MCM6: variants seen among roughly 807,000 people sequenced by gnomAD.
The protein encoded by MCM6 is DNA replication licensing factor MCM6.
Under a neutral mutation model 94.3 loss-of-function variants are expected in MCM6, and 46 were observed. The observed-to-expected ratio is 0.49, with a 90% confidence interval of 0.39 to 0.62. The LOEUF is 0.62. Ranked by LOEUF, MCM6 falls within the 20% of genes least tolerant of loss-of-function variation. MCM6 has a pLI of 0.00. For synonymous variants in MCM6, 335 were observed against 351.9 expected, an observed-to-expected ratio of 0.95 and a Z score of 0.54; for missense variants, 865 against 1,017.9, an observed-to-expected ratio of 0.85 and a Z score of 2.04.
Position 135,861,094 on chromosome 2 carries a change from T to C in MCM6, c.1220+1513A>G, listed in dbSNP as rs1283024688. Reference sequence around the variant, plus strand: ...AGAATCCTTTGTAACACAGGACTACTATCTTAAAATCTAAAACTCAGTCTG... The same window carrying C: ...AGAATCCTTTGTAACACAGGACTACCATCTTAAAATCTAAAACTCAGTCTG... On this transcript the variant is annotated intron_variant, in intron 8 of 16. Coordinates refer to ENST00000264156, the MANE Select transcript of MCM6 (RefSeq NM_005915.6). 2.0e-5 allele frequency among the ~76,000 whole-genome samples: 3 copies of C among 152,188 alleles called. No individual in the cohort carries two copies. The East Asian group carries it at 5.8e-4, about 29-fold the overall frequency.
intron 2 of MCM6, among the ~76,000 whole-genome samples, chr2:135,871,101 G>A (rs4988161): frequency 0.057 from 8,715 of 152,190 alleles, 783 homozygotes; most frequent in African/African-American, 0.2. Context: ...GTGCACTAAT[G>A]TGAGAACAAA....
chr2:135,865,336 A>T, intron 6 of MCM6, among the ~76,000 whole-genome samples, 173 bp from the exon 7 acceptor site: 1 of 152,358 alleles, frequency 6.6e-6, no homozygotes, highest in Non-Finnish European at 1.5e-5. Flanking sequence ...CTCAGTTAAC[A>T]AAGACACTTA....
rs1679780940 is a variant in MCM6, at chr2:135,851,575, C to G, written c.1756-12G>C. 1 of 1,583,302 alleles carries G rather than the reference C, an allele frequency of 6.3e-7. No homozygotes were observed. Among genetic ancestry groups the G allele is most frequent in the Admixed American group, 1.7e-5 (1 of 58,806 alleles). The stretch of plus-strand genomic sequence containing the variant: ...GACTCTTTGGAAATCTGTTTCAGAT[C>G]ATCACTCAAGTTAGAGAAACATTTC... On this transcript the variant is annotated splice_polypyrimidine_tract_variant and intron_variant, in intron 12 of 16. Coordinates refer to ENST00000264156, the MANE Select transcript of MCM6 (RefSeq NM_005915.6).
At position 135,856,883 on chromosome 2, in the gene MCM6, C is replaced by T. The variant is rs765158531; in HGVS notation, c.1471G>A (p.Ala491Thr). 3 of 1,608,724 alleles carry T rather than the reference C, an allele frequency of 1.9e-6. No individual in the cohort carries two copies. Among genetic ancestry groups the T allele is most frequent in the Non-Finnish European group, 2.5e-6 (3 of 1,178,212 alleles). Residue 491 changes from alanine to threonine, a missense_variant and splice_region_variant, in exon 11 of 17, where the codon GCT becomes ACT. Ala to Thr is a moderately conservative substitution (Grantham distance 58). This residue lies in a region of MCM6 where 153 missense variants were observed against 241.5 expected (regional missense o/e 0.63). Transcript: ENST00000264156. ...TISITKAGVK[A>T]TLNARTSILA... ...ATGGACGTCCGGGCGTTCAGAGTAG[C>T]CTGACCACAAAAGAAAGAATCTTAA...
chr2:135,851,269 T>C (rs951531841), intron 13 of MCM6, 133 bp downstream of exon 13: 1 of 655,408 alleles, frequency 1.5e-6, no homozygotes, highest in South Asian at 2.6e-5. Context: ...AAGAATTCCA[T>C]GGTCGTATGA....
At chr2:135,866,970 GAA>G (rs112392599) in intron 4 of MCM6, among the ~76,000 whole-genome samples, 1 of 147,516 alleles carries the variant, frequency 6.8e-6, no homozygotes, top group South Asian at 2.2e-4. Context: ...AAGCAGCAGA[GAA>G]AAAAAAAACT....
Position 135,839,863 on chromosome 2 carries a change from A to T in MCM6, c.*972T>A, listed in dbSNP as rs1361659439. 6.6e-6 allele frequency: 1 copy of T among 152,182 alleles called. No homozygotes were observed. Among genetic ancestry groups the T allele is most frequent in the Non-Finnish European group, 1.5e-5 (1 of 68,032 alleles). The allele number at this position is 152,182 out of a possible 1,614,324, so 9.4% of individuals were successfully genotyped here. A position where few individuals can be genotyped will look rare whatever the true frequency, so the allele number is the denominator to read the frequency against. ...AGACATCAAGGCAAGTTGAGTACTCATGGGTATTAGACTGTCCCACGTGGG... is the reference window on the plus strand; with the variant it reads ...AGACATCAAGGCAAGTTGAGTACTCTTGGGTATTAGACTGTCCCACGTGGG... On this transcript the variant is annotated 3_prime_UTR_variant, in exon 17 of 17. Coordinates refer to ENST00000264156, the MANE Select transcript of MCM6 (RefSeq NM_005915.6).
intron 7 of MCM6, 137 bp downstream of exon 7, chr2:135,864,876 T>C: frequency 1.9e-6 from 1 of 513,436 alleles, no homozygotes; most frequent in Non-Finnish European, 3.2e-6. Context: ...CATGTACCTG[T>C]CCTTTTGTAA....
chr2:135,872,945 C>T (rs2105593719), intron 1 of MCM6, 102 bp from the exon 2 acceptor site: 1 of 1,406,624 alleles, frequency 7.1e-7, no homozygotes, highest in Non-Finnish European at 9.7e-7. Context: ...TAGGCTCAGA[C>T]AGGCCCATGT....
chr2:135,856,887 A>C lies in MCM6; in HGVS notation c.1471-4T>G. The C allele has an allele frequency of 6.2e-7, 1 of 1,606,510 alleles. No homozygotes were observed. Among genetic ancestry groups the C allele is most frequent in the Non-Finnish European group, 8.5e-7 (1 of 1,177,446 alleles). On this transcript the variant is annotated splice_region_variant and splice_polypyrimidine_tract_variant and intron_variant, in intron 10 of 16. Transcript: ENST00000264156. ...ACGTCCGGGCGTTCAGAGTAGCCTG[A>C]CCACAAAAGAAAGAATCTTAACAGA... is the stretch of plus-strand genomic sequence containing the variant.
chr2:135,857,744 T>A (rs1679919374), intron 10 of MCM6, among the ~76,000 whole-genome samples, 153 bp downstream of exon 10: 1 of 152,198 alleles, frequency 6.6e-6, no homozygotes, highest in Admixed American at 6.5e-5. Context: ...ACATTTATAG[T>A]TTCAATAAAT....
chr2:135,867,965 T>C (rs184405697), intron 4 of MCM6, among the ~76,000 whole-genome samples: 98 of 152,102 alleles, frequency 6.4e-4, no homozygotes, highest in African/African-American at 2.3e-3. Context: ...AGGCGGAGCT[T>C]GCAGTGAGCC....
intron 1 of MCM6, among the ~76,000 whole-genome samples, chr2:135,875,692 C>T (rs980895627): frequency 6.6e-6 from 1 of 152,170 alleles, no homozygotes; most frequent in Admixed American, 6.5e-5. Flanking sequence ...GCAAGGGACC[C>T]AGAAGAAGGG....
chr2:135,841,631 G>A lies in MCM6; in HGVS notation c.2350-680C>T, dbSNP rs560318519. Among the ~76,000 whole-genome samples, 5 of 152,216 alleles carry A rather than the reference G, an allele frequency of 3.3e-5. No individual in the cohort carries two copies. In the South Asian group the frequency reaches 1.0e-3, roughly 32 times the overall value. On this transcript the variant is annotated intron_variant, in intron 16 of 16. Transcript: ENST00000264156. ...GTATAAACACTGAAGCCACTAAGGG[G>A]GACTGGACACTTTTTAAAAAATTGC...
intron 3 of MCM6, 131 bp from the exon 4 acceptor site, chr2:135,868,991 C>T: frequency 1.3e-6 from 1 of 794,924 alleles, no homozygotes; most frequent in South Asian, 1.8e-5. Flanking sequence ...ATTCTTTGGA[C>T]TCTCCTATAA....
chr2:135,856,358 G>A (rs1001497870), intron 11 of MCM6, among the ~76,000 whole-genome samples: 2 of 152,112 alleles, frequency 1.3e-5, no homozygotes, highest in South Asian at 2.1e-4. Context: ...CTCAAGAATC[G>A]CTTGAACCTT....
rs370718252 is a variant in MCM6 at position 135,858,007 on chromosome 2, G to A, written c.1363-3C>T. 66 of 1,612,126 alleles carry A rather than the reference G, an allele frequency of 4.1e-5. No individual in the cohort carries two copies. In the Middle Eastern group the frequency reaches 1.1e-3, roughly 28 times the overall value. On this transcript the variant is annotated splice_region_variant and splice_polypyrimidine_tract_variant and intron_variant, in intron 9 of 16. Transcript: ENST00000264156. The stretch of plus-strand genomic sequence containing the variant: ...AATTCATCAATACAACACACACCCT[G>A]TAACCAAACAAATCAAGCCTAAGAA...
At chr2:135,875,411 C>G (rs1443457447) in intron 1 of MCM6, among the ~76,000 whole-genome samples, 1 of 151,632 alleles carries the variant, frequency 6.6e-6, no homozygotes, top group Non-Finnish European at 1.5e-5. Context: ...GGCTGCACAA[C>G]GAGGTGAATG....
chr2:135,866,096 T>C, intron 6 of MCM6, 36 bp downstream of exon 6: 2 of 1,611,320 alleles, frequency 1.2e-6, no homozygotes, highest in East Asian at 2.2e-5. Context: ...AGAGAGACTG[T>C]TTCAAAAACA....
Sources: gnomAD v4.1 joint callset for allele counts (sites outside exome capture counted in the v4.1 genomes callset) on GRCh38, gnomAD v4.1.1 for gene constraint, gnomAD v4.1.1 regional missense constraint, MANE v1.5 for transcripts, NCBI Gene and HGNC (gene_info 2026-07-23, HGNC 2026-07-21) for gene names.